The following CBL variants were observed in gnomAD, a reference collection of about 807,000 sequenced individuals.
CBL encodes the protein Cbl proto-oncogene.
Under a neutral mutation model 96.9 loss-of-function variants are expected in CBL, and 45 were observed. The ratio of observed to expected loss-of-function variants is 0.46; its 90% CI spans 0.37 to 0.60. The LOEUF (loss-of-function observed/expected upper bound fraction) is 0.60. Ranked by LOEUF, CBL falls within the 20% of genes least tolerant of loss-of-function variation. The pLI is 0.00. For missense variants in CBL, 1,024 were observed against 1,143.5 expected (o/e 0.90, Z 1.51); for synonymous variants, 420 against 426.8 (o/e 0.98, Z 0.20).
chr11:119,259,298 TG>T (rs1949734329), intron 2 of CBL, among the ~76,000 whole-genome samples: 1 of 152,140 alleles, frequency 6.6e-6, no homozygotes, highest in Non-Finnish European at 1.5e-5. Context: ...TTGCTGTGCC[TG>T]GGTAAGTTGG....
chr11:119,219,791 C>G (rs1417749521), intron 1 of CBL, among the ~76,000 whole-genome samples: 1 of 150,924 alleles, frequency 6.6e-6, no homozygotes, highest in Non-Finnish European at 1.5e-5. Flanking sequence ...TCAAGTGATT[C>G]TCCTGCCTCA....
Position 119,307,470 on chromosome 11 carries a change from C to T in CBL, c.*7689C>T, listed in dbSNP as rs187961956. The T allele has an allele frequency of 3.9e-5, 9 of 231,984 alleles. No homozygotes were observed. In the East Asian group the frequency reaches 4.3e-4, roughly 11 times the overall value. 14.4% of individuals were successfully genotyped at this position (231,984 alleles called of 1,614,324 possible). On this transcript the variant is annotated 3_prime_UTR_variant, in exon 16 of 16. Transcript: ENST00000264033. ...CCCCCATCAGATGTGGCTGGCCTTTCATTTGAAGGCTTCAGACTTAAAGCA... is the reference window on the plus strand; with the variant it reads ...CCCCCATCAGATGTGGCTGGCCTTTTATTTGAAGGCTTCAGACTTAAAGCA...
In CBL at chr11:119,271,990, AAT is replaced by A; in HGVS notation, c.590+114_590+115del. 4 of 988,506 alleles carry A rather than the reference AAT, an allele frequency of 4.0e-6. 1 individual carries two copies. The highest frequency in any genetic ancestry group is 2.8e-4 in the Middle Eastern group (1 of 3,622). The allele number at this position is 988,506 out of a possible 1,614,324, so 61.2% of individuals were successfully genotyped here. A position where few individuals can be genotyped will look rare whatever the true frequency, so the allele number is the denominator to read the frequency against. On this transcript the variant is annotated intron_variant, in intron 3 of 15. Transcript: ENST00000264033. ...AAAATTTGGGAACTCTGAGAAAAGT[AAT>A]ATATGTGTATGTATTTCCTGGCTTT...
rs1001162948 is a variant in CBL, at chr11:119,245,585, C to T, written c.443+12890C>T. ...CTCTACTAAAAATACAAAAATTACC[C>T]GGGCATGGTGGTGGGTACCTGTAAT... is the stretch of plus-strand genomic sequence containing the variant. On this transcript the variant is annotated intron_variant, in intron 2 of 15. Coordinates refer to ENST00000264033, the MANE Select transcript of CBL (RefSeq NM_005188.4). Among the ~76,000 whole-genome samples, 23 of 151,966 alleles carry T rather than the reference C, an allele frequency of 1.5e-4. No homozygotes were observed. The South Asian group carries it at 2.3e-3, about 15-fold the overall frequency.
chr11:119,273,777 A>T, intron 3 of CBL, 91 bp from the exon 4 acceptor site: 1 of 1,080,038 alleles, frequency 9.3e-7, no homozygotes, highest in Non-Finnish European at 1.4e-6. Flanking sequence ...TTGAGAGCTT[A>T]ATGTGGCTCT....
At chr11:119,208,236 G>T (rs1445158183) in intron 1 of CBL, among the ~76,000 whole-genome samples, 2 of 152,064 alleles carry the variant, frequency 1.3e-5, no homozygotes, top group African/African-American at 2.4e-5. Context: ...GGGATTTATC[G>T]TTAAGGACTA....
chr11:119,308,030 CTAA>C lies in CBL; in HGVS notation c.*8251_*8253del, dbSNP rs781606057. The stretch of plus-strand genomic sequence containing the variant: ...TATTAATGTTTAGAAGTCTGTTTTA[CTAA>C]TGTTATTTATTAATTTTTTTTCATT... On this transcript the variant is annotated 3_prime_UTR_variant, in exon 16 of 16. Transcript: ENST00000264033. 5.4e-6 allele frequency: 1 copy of C among 185,132 alleles called. No homozygotes were observed. Among genetic ancestry groups the C allele is most frequent in the Non-Finnish European group, 1.1e-5 (1 of 87,024 alleles). The allele number at this position is 185,132 out of a possible 1,614,324, so 11.5% of individuals were successfully genotyped here.
At position 119,278,627 on chromosome 11, in the gene CBL, G is replaced by A. The variant is rs2135304718; in HGVS notation, c.1345G>A (p.Gly449Arg). The A allele has an allele frequency of 2.5e-6, 4 of 1,614,022 alleles. No homozygotes were observed. The highest frequency in any genetic ancestry group is 1.6e-4 in the Middle Eastern group (1 of 6,062). Residue 449 changes from glycine to arginine, a missense_variant, in exon 9 of 16, where the codon GGA (glycine) becomes AGA (arginine). Physicochemically the swap from Gly to Arg is moderately radical, Grantham distance 125 (BLOSUM62 -2). This residue lies in a region of CBL where 695 missense variants were observed against 661.6 expected (regional missense o/e 1.05). Transcript: ENST00000264033. ...SGSLLRQGAE[G>R]APSPNYDDDD... ...CAGCCTGTTGAGGCAAGGAGCAGAG[G>A]GAGCTCCCTCCCCAAATTATGATGA...
rs11217234 is a variant in CBL, at chr11:119,307,228, A to G, written c.*7447A>G. On this transcript the variant is annotated 3_prime_UTR_variant, in exon 16 of 16. Transcript: ENST00000264033. Reference sequence around the variant, plus strand: ...GGTTCCAATCACAAGCTTAGTTATCAGGTTGCATGCCTTGTCTCCTGCAAA... The same window carrying G: ...GGTTCCAATCACAAGCTTAGTTATCGGGTTGCATGCCTTGTCTCCTGCAAA... 60,564 of 232,024 alleles carry G rather than the reference A, an allele frequency of 0.26. 8,313 individuals carry two copies. Among genetic ancestry groups the G allele is most frequent in the East Asian group, 0.39 (6,362 of 16,408 alleles). 14.4% of individuals were successfully genotyped at this position (232,024 alleles called of 1,614,324 possible).
At chr11:119,240,880 C>G (rs1170311769) in intron 2 of CBL, among the ~76,000 whole-genome samples, 1 of 152,038 alleles carries the variant, frequency 6.6e-6, no homozygotes, top group African/African-American at 2.4e-5. Flanking sequence ...CAAGACCAGC[C>G]TGGCTAACAT....
chr11:119,231,944 AAAC>A (rs1268813626), intron 1 of CBL, among the ~76,000 whole-genome samples: 8 of 150,616 alleles, frequency 5.3e-5, no homozygotes, highest in Non-Finnish European at 7.4e-5. Flanking sequence ...AAAAAAAAAA[AAAC>A]AACAATTAGC....
chr11:119,234,463 A>G (rs909498200), intron 2 of CBL, among the ~76,000 whole-genome samples: 3 of 152,230 alleles, frequency 2.0e-5, no homozygotes, highest in African/African-American at 7.2e-5. Context: ...CTAACTAGTC[A>G]TTTTGTATTG....
intron 2 of CBL, among the ~76,000 whole-genome samples, chr11:119,245,958 T>TC (rs1314089504): frequency 4.0e-5 from 1 of 25,232 alleles, no homozygotes; most frequent in African/African-American, 3.0e-4. Context: ...TTGCAAATCT[T>TC]TTTTTTTTTT....
chr11:119,302,009 C>G lies in CBL; in HGVS notation c.*2228C>G, dbSNP rs762416393. 1.1e-4 allele frequency: 25 copies of G among 232,956 alleles called. No homozygotes were observed. The highest frequency in any genetic ancestry group is 6.8e-4 in the Admixed American group (12 of 17,766). 14.4% of individuals were successfully genotyped at this position (232,956 alleles called of 1,614,324 possible). ...GGAAGACAAAGCATTGGCTATATAT[C>G]TTTTGCCTTTTCCATGCATCTAAAT... On this transcript the variant is annotated 3_prime_UTR_variant, in exon 16 of 16. Coordinates refer to ENST00000264033, the MANE Select transcript of CBL (RefSeq NM_005188.4).
At chr11:119,247,839 G>T (rs1350574692) in intron 2 of CBL, among the ~76,000 whole-genome samples, 1 of 151,920 alleles carries the variant, frequency 6.6e-6, no homozygotes, top group Non-Finnish European at 1.5e-5. Flanking sequence ...TTATACATAA[G>T]GAATGAACAA....
intron 2 of CBL, among the ~76,000 whole-genome samples, chr11:119,242,741 TAAAA>T (rs34339877): frequency 3.4e-5 from 4 of 117,946 alleles, no homozygotes; most frequent in Admixed American, 9.0e-5. Flanking sequence ...CCTGACTCTT[TAAAA>T]AAAAAAAAAA....
At chr11:119,246,610 C>G (rs1644582286) in intron 2 of CBL, among the ~76,000 whole-genome samples, 1 of 152,130 alleles carries the variant, frequency 6.6e-6, no homozygotes, top group African/African-American at 2.4e-5. Context: ...TGCCACCACA[C>G]CTGGCTAATT....
intron 2 of CBL, among the ~76,000 whole-genome samples, chr11:119,239,584 T>A (rs530852867): frequency 6.6e-6 from 1 of 152,336 alleles, no homozygotes; most frequent in Non-Finnish European, 1.5e-5. Flanking sequence ...GCATGCATTT[T>A]ATCTCTTTTT....
At chr11:119,274,636 A>G (rs756916290) in intron 4 of CBL, among the ~76,000 whole-genome samples, 196 bp from the exon 5 acceptor site, 1 of 152,176 alleles carries the variant, frequency 6.6e-6, no homozygotes, top group Non-Finnish European at 1.5e-5. Context: ...TCTCCCTATA[A>G]GCATATATTC....
Sources: gnomAD v4.1 joint callset for allele counts (sites outside exome capture counted in the v4.1 genomes callset) on GRCh38, gnomAD v4.1.1 for gene constraint, gnomAD v4.1.1 regional missense constraint, MANE v1.5 for transcripts, NCBI Gene and HGNC (gene_info 2026-07-23, HGNC 2026-07-21) for gene names.